PLCL2: variants seen among roughly 807,000 people sequenced by gnomAD.
PLCL2 encodes the protein phospholipase C like 2.
Under a neutral mutation model 79.6 loss-of-function variants are expected in PLCL2, and 4 were observed. That is an observed-to-expected ratio of 0.05 (90% confidence interval 0.02 to 0.11). The LOEUF is 0.11. Among genes scored for constraint, PLCL2 ranks in the 10% least tolerant of loss-of-function variants. The probability of loss-of-function intolerance (pLI) is 1.00; values close to 1 mark genes in which losing one functional copy is unlikely to be tolerated. For synonymous variants in PLCL2, 484 were observed against 457.7 expected (o/e 1.06, Z -0.73); for missense variants, 895 against 1,291.0 (o/e 0.69, Z 4.70).
chr3:16,953,377 T>C (rs541283507), intron 1 of PLCL2, among the ~76,000 whole-genome samples: 26 of 152,302 alleles, frequency 1.7e-4, no homozygotes, highest in Middle Eastern at 6.8e-3. Context: ...AAACAAATTT[T>C]AATAAAAATT....
At chr3:17,021,635 A>G (rs1257473827) in intron 3 of PLCL2, among the ~76,000 whole-genome samples, 1 of 143,394 alleles carries the variant, frequency 7.0e-6, no homozygotes, top group Admixed American at 6.9e-5. Flanking sequence ...CACACACCCC[A>G]GATACTAAGC....
At chr3:16,961,372 C>T (rs1452819002) in intron 1 of PLCL2, among the ~76,000 whole-genome samples, 1 of 152,156 alleles carries the variant, frequency 6.6e-6, no homozygotes, top group African/African-American at 2.4e-5. Flanking sequence ...TGAGATAGAG[C>T]CTTCAAAGAG....
intron 1 of PLCL2, among the ~76,000 whole-genome samples, chr3:16,990,498 AG>A (rs1392636795): frequency 6.6e-6 from 1 of 152,230 alleles, no homozygotes; most frequent in Non-Finnish European, 1.5e-5. Flanking sequence ...AGCTCTTAAA[AG>A]GCAGCTTTGT....
At chr3:16,959,410 C>A (rs997172254) in intron 1 of PLCL2, among the ~76,000 whole-genome samples, 1 of 152,198 alleles carries the variant, frequency 6.6e-6, no homozygotes, top group Non-Finnish European at 1.5e-5. Context: ...GTTGACCTTT[C>A]CACAGCAGTA....
At chr3:16,928,976 G>GAA (rs74213863) in intron 1 of PLCL2, among the ~76,000 whole-genome samples, 1 of 150,464 alleles carries the variant, frequency 6.6e-6, no homozygotes, top group Admixed American at 6.7e-5. Context: ...TGTGAGTTTA[G>GAA]AATTTTCTCA....
chr3:16,921,650 G>A (rs929200703), intron 1 of PLCL2, among the ~76,000 whole-genome samples: 1 of 152,130 alleles, frequency 6.6e-6, no homozygotes, highest in Non-Finnish European at 1.5e-5. Flanking sequence ...ATAGAAGTAT[G>A]GCAGACTTTG....
intron 3 of PLCL2, among the ~76,000 whole-genome samples, chr3:17,040,613 C>T (rs1413268915): frequency 1.3e-5 from 2 of 152,118 alleles, no homozygotes; most frequent in Admixed American, 6.6e-5. Flanking sequence ...TTGTGCCAGT[C>T]GCTCCTCACA....
chr3:16,991,356 A>G (rs2064103768), intron 1 of PLCL2, among the ~76,000 whole-genome samples: 1 of 152,218 alleles, frequency 6.6e-6, no homozygotes, highest in East Asian at 1.9e-4. Context: ...TTAACGGCAG[A>G]CAGTAGTTAC....
In PLCL2 at chr3:17,013,301, A is replaced by G. The variant is rs528759540; in HGVS notation, c.2814+1141A>G. Among the ~76,000 whole-genome samples the G allele has an allele frequency of 2.6e-5, 4 of 152,340 alleles. No individual in the cohort carries two copies. In the South Asian group the frequency reaches 6.2e-4, roughly 24 times the overall value. On this transcript the variant is annotated intron_variant, in intron 2 of 5. Transcript: ENST00000615277. Reference sequence around the variant, plus strand: ...CACTGAACCTGACAAAGCAGTCGGTAGTGATACTGAATGAGCACCTGCCAT... The same window carrying G: ...CACTGAACCTGACAAAGCAGTCGGTGGTGATACTGAATGAGCACCTGCCAT...
chr3:17,030,838 T>C (rs1310979458), intron 3 of PLCL2, among the ~76,000 whole-genome samples: 1 of 152,234 alleles, frequency 6.6e-6, no homozygotes, highest in Non-Finnish European at 1.5e-5. Context: ...AATGATACTT[T>C]ACAGTAAGAC....
chr3:16,916,490 T>C (rs551476591), intron 1 of PLCL2, among the ~76,000 whole-genome samples: 13 of 152,302 alleles, frequency 8.5e-5, no homozygotes, highest in African/African-American at 3.1e-4. Context: ...GGAAAAAATA[T>C]ATTCTGGAGC....
intron 1 of PLCL2, among the ~76,000 whole-genome samples, chr3:16,924,954 C>T (rs776305994): frequency 1.1e-4 from 17 of 150,488 alleles, no homozygotes; most frequent in African/African-American, 2.7e-4. Context: ...GATGGAGTCT[C>T]GCTCTGTCAC....
At chr3:17,057,535 A>G (rs1407627578) in intron 4 of PLCL2, among the ~76,000 whole-genome samples, 5 of 152,236 alleles carry the variant, frequency 3.3e-5, no homozygotes, top group Non-Finnish European at 5.9e-5. Flanking sequence ...ATGAGATCAC[A>G]GTAGGATGCT....
At chr3:17,035,698 C>G in intron 3 of PLCL2, 1 of 470,056 alleles carries the variant, frequency 2.1e-6, no homozygotes, top group Middle Eastern at 3.4e-4. Context: ...AATTCAAACT[C>G]TGCAGTGTAG....
At chr3:17,015,209 G>A (rs1350511141) in intron 3 of PLCL2, among the ~76,000 whole-genome samples, 3 of 152,154 alleles carry the variant, frequency 2.0e-5, no homozygotes, top group Non-Finnish European at 4.4e-5. Context: ...ATGTAGGAAC[G>A]AGTTTTTAAA....
At chr3:16,987,987 T>A (rs1398890260) in intron 1 of PLCL2, among the ~76,000 whole-genome samples, 3 of 152,146 alleles carry the variant, frequency 2.0e-5, no homozygotes, top group African/African-American at 4.8e-5. Flanking sequence ...GGTAAAAATA[T>A]AAATGAACGA....
Position 17,076,764 on chromosome 3 carries a change from A to G in PLCL2, c.3204+8699A>G, listed in dbSNP as rs188114972. ...ACAATCCTCCCACTTCAGCCTCCCA[A>G]GGTGTAAGAATTACCGCACTCAGCC... On this transcript the variant is annotated intron_variant, in intron 5 of 5. Coordinates refer to ENST00000615277, the MANE Select transcript of PLCL2 (RefSeq NM_001144382.2). Among the ~76,000 whole-genome samples, 8 of 152,074 alleles carry G rather than the reference A, an allele frequency of 5.3e-5. No individual in the cohort carries two copies. The East Asian group carries it at 1.5e-3, about 29-fold the overall frequency.
chr3:16,960,234 C>G (rs940732116), intron 1 of PLCL2, among the ~76,000 whole-genome samples: 1 of 152,300 alleles, frequency 6.6e-6, no homozygotes, highest in East Asian at 1.9e-4. Flanking sequence ...AATCAAGAAG[C>G]CTCACATAAA....
chr3:17,008,598 C>T (rs979978100), intron 1 of PLCL2, among the ~76,000 whole-genome samples: 1 of 151,922 alleles, frequency 6.6e-6, no homozygotes, highest in African/African-American at 2.4e-5. Context: ...GATTCTGAGG[C>T]AGGTGGTCTG....
Sources: allele counts gnomAD v4.1 joint callset (sites outside exome capture counted in the v4.1 genomes callset), GRCh38; gene constraint gnomAD v4.1.1; transcripts MANE v1.5; gene names NCBI Gene and HGNC (gene_info 2026-07-23, HGNC 2026-07-21).